Variants in PALM2AKAP2 observed in about 807,000 individuals in gnomAD.
The protein encoded by PALM2AKAP2 is PALM2-AKAP2 fusion protein.
In PALM2AKAP2, 37 loss-of-function variants were observed where a neutral mutation model predicts 71.5. That is an observed-to-expected ratio of 0.52 (90% confidence interval 0.40 to 0.68). The LOEUF is 0.68. Ranked by LOEUF, PALM2AKAP2 falls within the 30% of genes least tolerant of loss-of-function variation. PALM2AKAP2 has a pLI of 0.00. For missense variants in PALM2AKAP2, 1,224 were observed against 1,191.8 expected (o/e 1.03, Z -0.40); for synonymous variants, 468 against 478.8 (o/e 0.98, Z 0.29).
chr9:110,138,308 A>G, exon 2 of PALM2AKAP2: 1 of 1,614,214 alleles, frequency 6.2e-7, no homozygotes, highest in Non-Finnish European at 8.5e-7. Flanking sequence ...AGCTGAGCTG[A>G]GAAGCACAGC....
At chr9:110,100,536 A>C (rs571163623) in intron 1 of PALM2AKAP2, among the ~76,000 whole-genome samples, 1 of 152,258 alleles carries the variant, frequency 6.6e-6, no homozygotes, top group Non-Finnish European at 1.5e-5. Flanking sequence ...GAGAAAGGCC[A>C]CTGGAAATGG....
chr9:109,775,166 C>T (rs1829330396), intron 1 of PALM2AKAP2, among the ~76,000 whole-genome samples: 1 of 152,186 alleles, frequency 6.6e-6, no homozygotes, highest in African/African-American at 2.4e-5. Context: ...GTACACTCTC[C>T]TTATCTACCC....
rs574589764 is a variant in PALM2AKAP2 at position 110,143,146 on chromosome 9, GGGT to G, written c.2569+4615_2569+4617del. Among the ~76,000 whole-genome samples the G allele has an allele frequency of 1.8e-3, 275 of 152,128 alleles. 1 individual carries two copies. Among genetic ancestry groups the G allele is most frequent in the Middle Eastern group, 0.014 (4 of 294 alleles). Reference sequence around the variant, plus strand: ...TAGAGACTAAAAGGAAGAAGGCCAGGGGTGGTGGTGCATGCCTGTAATCCCAGC... The same window carrying G: ...TAGAGACTAAAAGGAAGAAGGCCAGGGGTGGTGCATGCCTGTAATCCCAGC... On this transcript the variant is annotated intron_variant, in intron 2 of 3. Transcript: ENST00000374525.
chr9:109,823,110 A>G (rs373045926), intron 1 of PALM2AKAP2, among the ~76,000 whole-genome samples: 1 of 152,168 alleles, frequency 6.6e-6, no homozygotes, highest in African/African-American at 2.4e-5. Flanking sequence ...GCCAGAGGTC[A>G]TATTGTTCCA....
intron 1 of PALM2AKAP2, among the ~76,000 whole-genome samples, chr9:109,730,379 T>C (rs1828537810): frequency 6.6e-6 from 1 of 152,196 alleles, no homozygotes; most frequent in Non-Finnish European, 1.5e-5. Context: ...TCAATTACCT[T>C]TGTGAGGTGA....
At chr9:110,162,640 C>T (rs1836630477) in intron 3 of PALM2AKAP2, among the ~76,000 whole-genome samples, 1 of 152,082 alleles carries the variant, frequency 6.6e-6, no homozygotes, top group Admixed American at 6.5e-5. Context: ...CATCCTAGAC[C>T]TCCCTCCCTC....
chr9:110,106,585 T>C (rs1180691481), intron 1 of PALM2AKAP2, among the ~76,000 whole-genome samples: 1 of 152,136 alleles, frequency 6.6e-6, no homozygotes, highest in African/African-American at 2.4e-5. Context: ...GGTGCTTAGC[T>C]TGATGCTTAC....
chr9:109,735,897 G>C (rs535968153), intron 1 of PALM2AKAP2, among the ~76,000 whole-genome samples: 4 of 152,282 alleles, frequency 2.6e-5, no homozygotes, highest in African/African-American at 9.6e-5. Context: ...AACAGGCTTG[G>C]GAAGACAGGC....
chr9:109,960,141 C>T lies in PALM2AKAP2; in HGVS notation c.496+28113C>T, dbSNP rs528326161. Among the ~76,000 whole-genome samples the T allele has an allele frequency of 5.3e-5, 8 of 152,204 alleles. No individual in the cohort carries two copies. The South Asian group carries it at 1.5e-3, about 28-fold the overall frequency. The stretch of plus-strand genomic sequence containing the variant: ...CCTGGCCCTCACTGGCCATTTTCAC[C>T]CCTTCCCCACACTTGGCCCATGCTG... On this transcript the variant is annotated intron_variant, in intron 6 of 9. Coordinates refer to the PALM2AKAP2 transcript ENST00000302798.
intron 3 of PALM2AKAP2, among the ~76,000 whole-genome samples, chr9:109,919,090 T>A (rs1335452887): frequency 1.3e-5 from 2 of 152,246 alleles, no homozygotes; most frequent in East Asian, 3.8e-4. Flanking sequence ...AGTGAGTTAC[T>A]GAGAGACAGC....
intron 1 of PALM2AKAP2, among the ~76,000 whole-genome samples, chr9:109,673,571 T>G (rs1380809790): frequency 6.6e-6 from 1 of 152,160 alleles, no homozygotes; most frequent in Non-Finnish European, 1.5e-5. Context: ...ATATATATTC[T>G]GTTGTTTTTG....
intron 6 of PALM2AKAP2, among the ~76,000 whole-genome samples, chr9:109,990,823 C>T (rs1226448430): frequency 6.6e-6 from 1 of 152,118 alleles, no homozygotes; most frequent in East Asian, 1.9e-4. Context: ...AAACATGAGC[C>T]CAGAATCCTG....
At chr9:109,996,870 G>T (rs1238843983) in intron 6 of PALM2AKAP2, among the ~76,000 whole-genome samples, 2 of 152,204 alleles carry the variant, frequency 1.3e-5, no homozygotes, top group African/African-American at 2.4e-5. Flanking sequence ...GTCTAAGAGT[G>T]CATGTGTGTG....
At chr9:110,169,149 T>C (rs1340170426) in exon 4 of PALM2AKAP2, 1 of 152,632 alleles carries the variant, frequency 6.6e-6, no homozygotes, top group African/African-American at 2.4e-5. Flanking sequence ...AAACACAATC[T>C]ATTCTACATG....
chr9:110,080,183 G>A lies in PALM2AKAP2; in HGVS notation c.156+31328G>A, dbSNP rs369303041. ...AGTGTACATTCAGCAGCTACTACAC[G>A]CTAGGCATAGTGCCAGGCAGCCCTG... On this transcript the variant is annotated intron_variant, in intron 1 of 3. Coordinates refer to ENST00000374525, the Ensembl canonical transcript of PALM2AKAP2. 7.6e-4 allele frequency among the ~76,000 whole-genome samples: 115 copies of A among 151,458 alleles called. No homozygotes were observed. In the South Asian group the frequency reaches 0.013, roughly 16 times the overall value.
At chr9:109,905,900 G>T (rs905751588) in intron 3 of PALM2AKAP2, among the ~76,000 whole-genome samples, 7 of 152,110 alleles carry the variant, frequency 4.6e-5, no homozygotes, top group Non-Finnish European at 8.8e-5. Flanking sequence ...TGAGGTGGGA[G>T]GATCACTTGA....
intron 6 of PALM2AKAP2, among the ~76,000 whole-genome samples, chr9:110,011,014 A>AAAAAAAAAAATATATATATAT (rs35212981): frequency 1.4e-5 from 1 of 69,584 alleles, no homozygotes; most frequent in African/African-American, 7.8e-5. Context: ...AAAAAAAAAA[A>AAAAAAAAAAATATATATATAT]ATATATATAT....
intron 3 of PALM2AKAP2, among the ~76,000 whole-genome samples, chr9:109,888,811 G>A (rs1396904449): frequency 6.6e-6 from 1 of 152,022 alleles, no homozygotes; most frequent in African/African-American, 2.4e-5. Context: ...TGACATTTAG[G>A]GCTGGATAGT....
At chr9:110,075,984 T>A (rs1834311742) in intron 1 of PALM2AKAP2, among the ~76,000 whole-genome samples, 1 of 152,120 alleles carries the variant, frequency 6.6e-6, no homozygotes, top group Non-Finnish European at 1.5e-5. Context: ...GTTAAAAAAA[T>A]TCAGGAAATT....
Sources: gnomAD v4.1 joint callset for allele counts (sites outside exome capture counted in the v4.1 genomes callset) on GRCh38, gnomAD v4.1.1 for gene constraint, MANE v1.5 for transcripts, NCBI Gene and HGNC (gene_info 2026-07-23, HGNC 2026-07-21) for gene names.